Variants in SKAP1 observed in about 807,000 individuals in gnomAD.
SKAP1 encodes src kinase associated phosphoprotein 1, also known as src kinase-associated phosphoprotein 1.
A neutral mutation model predicts 58.5 loss-of-function variants in SKAP1; 44 were observed. That is an observed-to-expected ratio of 0.75 (90% CI 0.59 to 0.97). The LOEUF is 0.97. SKAP1 is among the 50% of genes least tolerant of loss of function. The probability of loss-of-function intolerance (pLI) is 0.00; values close to 1 mark genes in which losing one functional copy is unlikely to be tolerated. For synonymous variants in SKAP1, 127 were observed against 149.7 expected (o/e 0.85, Z 1.11); for missense variants, 390 against 435.2 (o/e 0.90, Z 0.92).
chr17:48,393,618 T>C (rs2067377301), intron 2 of SKAP1, among the ~76,000 whole-genome samples: 1 of 152,136 alleles, frequency 6.6e-6, no homozygotes, highest in African/African-American at 2.4e-5. Flanking sequence ...GCCATAAAAA[T>C]AAGAGCTAAG....
intron 11 of SKAP1, among the ~76,000 whole-genome samples, chr17:48,146,673 G>A (rs1477554477): frequency 6.6e-6 from 1 of 151,684 alleles, no homozygotes; most frequent in Non-Finnish European, 1.5e-5. Flanking sequence ...TTGTCACCCA[G>A]GCTGGAGTGC....
At chr17:48,418,405 G>T (rs1382563324) in intron 1 of SKAP1, among the ~76,000 whole-genome samples, 2 of 152,084 alleles carry the variant, frequency 1.3e-5, no homozygotes, top group Non-Finnish European at 2.9e-5. Flanking sequence ...TTTAAAAAAT[G>T]CATGGGCCAT....
intron 4 of SKAP1, among the ~76,000 whole-genome samples, chr17:48,201,128 A>C (rs1330091163): frequency 6.6e-6 from 1 of 152,168 alleles, no homozygotes; most frequent in Non-Finnish European, 1.5e-5. Context: ...AACAAGGAGA[A>C]AGTGGGGGTG....
chr17:48,199,778 A>C (rs1038849321), intron 4 of SKAP1, among the ~76,000 whole-genome samples: 7 of 152,164 alleles, frequency 4.6e-5, no homozygotes, highest in African/African-American at 1.7e-4. Context: ...GGACCTGGGT[A>C]CAAGGCAATA....
intron 4 of SKAP1, among the ~76,000 whole-genome samples, chr17:48,322,827 G>A (rs370583150): frequency 3.9e-5 from 6 of 152,336 alleles, no homozygotes; most frequent in East Asian, 1.9e-4. Flanking sequence ...TGGGCGTGGC[G>A]GCTCACGCCT....
intron 1 of SKAP1, among the ~76,000 whole-genome samples, chr17:48,404,542 A>C (rs1246601836): frequency 6.6e-6 from 1 of 152,190 alleles, no homozygotes; most frequent in African/African-American, 2.4e-5. Flanking sequence ...ATAGAGAGGA[A>C]AATATATACT....
chr17:48,407,578 G>T (rs1007977268), intron 1 of SKAP1, among the ~76,000 whole-genome samples: 3 of 152,172 alleles, frequency 2.0e-5, no homozygotes, highest in Non-Finnish European at 4.4e-5. Flanking sequence ...GCGGGGAAAG[G>T]CCAGGTGCAG....
intron 4 of SKAP1, among the ~76,000 whole-genome samples, chr17:48,214,513 A>G (rs180974621): frequency 6.6e-6 from 1 of 152,074 alleles, no homozygotes; most frequent in African/African-American, 2.4e-5. Context: ...GGTTCAAGCA[A>G]TCTACCCACC....
At chr17:48,403,809 G>A (rs1277709195) in intron 1 of SKAP1, among the ~76,000 whole-genome samples, 1 of 152,054 alleles carries the variant, frequency 6.6e-6, no homozygotes, top group African/African-American at 2.4e-5. Context: ...GATCACAGCC[G>A]GGCACAGTGG....
At chr17:48,285,418 C>G (rs1190526099) in intron 4 of SKAP1, among the ~76,000 whole-genome samples, 2 of 152,118 alleles carry the variant, frequency 1.3e-5, no homozygotes, top group Non-Finnish European at 2.9e-5. Flanking sequence ...AGTTGGAGAC[C>G]AGCCTGACCA....
chr17:48,214,432 T>C (rs2143691468), intron 4 of SKAP1, among the ~76,000 whole-genome samples: 1 of 152,300 alleles, frequency 6.6e-6, no homozygotes, highest in East Asian at 1.9e-4. Flanking sequence ...AGCTTCTGAT[T>C]GTTTCTTCTT....
At chr17:48,424,735 C>A (rs1356431638) in intron 1 of SKAP1, among the ~76,000 whole-genome samples, 1 of 148,674 alleles carries the variant, frequency 6.7e-6, no homozygotes, top group African/African-American at 2.5e-5. Context: ...GAGATCAAGA[C>A]CATTCTGGCC....
intron 2 of SKAP1, among the ~76,000 whole-genome samples, chr17:48,387,752 C>A (rs530769036): frequency 2.0e-5 from 3 of 152,216 alleles, no homozygotes; most frequent in African/African-American, 7.2e-5. Context: ...CCATTTCCTG[C>A]TGGACTACCA....
intron 9 of SKAP1, among the ~76,000 whole-genome samples, chr17:48,177,721 G>A: frequency 6.6e-6 from 1 of 152,086 alleles, no homozygotes; most frequent in Non-Finnish European, 1.5e-5. Context: ...GGAGTGGACA[G>A]GAAGCTGGGT....
intron 4 of SKAP1, among the ~76,000 whole-genome samples, chr17:48,271,710 T>G (rs2065635708): frequency 6.6e-6 from 1 of 152,174 alleles, no homozygotes; most frequent in Non-Finnish European, 1.5e-5. Context: ...TTTTAAGAGC[T>G]GGTGGGAACT....
intron 4 of SKAP1, among the ~76,000 whole-genome samples, chr17:48,233,280 T>G (rs1038359100): frequency 6.6e-6 from 1 of 152,158 alleles, no homozygotes; most frequent in Non-Finnish European, 1.5e-5. Context: ...GGGGCTACTT[T>G]GCAATGGGTT....
At chr17:48,266,572 G>T (rs1390901824) in intron 4 of SKAP1, among the ~76,000 whole-genome samples, 1 of 148,114 alleles carries the variant, frequency 6.8e-6, no homozygotes, top group Non-Finnish European at 1.5e-5. Flanking sequence ...GTGCAGTGGC[G>T]CAATCTTGAC....
intron 2 of SKAP1, among the ~76,000 whole-genome samples, chr17:48,388,548 G>A (rs754088725): frequency 2.6e-5 from 4 of 152,132 alleles, no homozygotes; most frequent in Non-Finnish European, 4.4e-5. Flanking sequence ...GTGGATATAT[G>A]CTGTGATTCA....
chr17:48,392,952 T>TA (rs2144520030), intron 2 of SKAP1, among the ~76,000 whole-genome samples: 1 of 152,112 alleles, frequency 6.6e-6, no homozygotes, highest in South Asian at 2.1e-4. Flanking sequence ...ATCAAACATT[T>TA]AAAAAATGCT....
Sources: gnomAD v4.1 joint callset for allele counts (sites outside exome capture counted in the v4.1 genomes callset) on GRCh38, gnomAD v4.1.1 for gene constraint, MANE v1.5 for transcripts, NCBI Gene and HGNC (gene_info 2026-07-23, HGNC 2026-07-21) for gene names.